Variants in CPNE4 observed in about 807,000 individuals in gnomAD.
The protein encoded by CPNE4 is copine 4.
CPNE4 carries 25 observed loss-of-function variants against 67.9 expected under a neutral mutation model. The ratio of observed to expected loss-of-function variants is 0.37; its 90% confidence interval spans 0.27 to 0.51. CPNE4 has a LOEUF of 0.51. Ranked by LOEUF, CPNE4 falls within the 20% of genes least tolerant of loss-of-function variation. The pLI is 0.93. For missense variants in CPNE4, 464 were observed against 690.8 expected, an observed-to-expected ratio of 0.67 and a Z score of 3.68; for synonymous variants, 242 against 244.9, an observed-to-expected ratio of 0.99 and a Z score of 0.11.
chr3:131,928,301 C>T (rs182460270), intron 1 of CPNE4, among the ~76,000 whole-genome samples: 1 of 133,520 alleles, frequency 7.5e-6, no homozygotes, highest in African/African-American at 2.7e-5. Context: ...CTAAAATTTA[C>T]AACAGTCCTC....
chr3:131,879,877 C>T (rs571649092), intron 2 of CPNE4, among the ~76,000 whole-genome samples: 4 of 152,240 alleles, frequency 2.6e-5, no homozygotes, highest in Non-Finnish European at 4.4e-5. Context: ...ACCTTATATA[C>T]CTGGCAGACT....
chr3:131,676,466 T>C (rs2080570705), intron 6 of CPNE4, among the ~76,000 whole-genome samples: 1 of 152,148 alleles, frequency 6.6e-6, no homozygotes, highest in Non-Finnish European at 1.5e-5. Flanking sequence ...GTTGTATAGA[T>C]TATTTCATCA....
intron 2 of CPNE4, among the ~76,000 whole-genome samples, chr3:131,874,236 C>A (rs185795875): frequency 2.0e-5 from 3 of 152,138 alleles, no homozygotes; most frequent in Admixed American, 2.0e-4. Context: ...CTACAGGCGC[C>A]CTCCACCACG....
chr3:131,711,736 C>G (rs572279558), intron 3 of CPNE4, among the ~76,000 whole-genome samples: 1 of 152,134 alleles, frequency 6.6e-6, no homozygotes, highest in Non-Finnish European at 1.5e-5. Flanking sequence ...GTTTTCCTCC[C>G]CCTCAACTTT....
rs556124611 is a variant in CPNE4, at chr3:132,013,108, A to C, written c.-2+21459T>G. ...CATAGGGGTGGACGCCTGTAATCCC[A>C]GCTACTCAGGAGGCTGAGGCAGGAG... On this transcript the variant is annotated intron_variant, in intron 1 of 15. Coordinates refer to ENST00000429747, the MANE Select transcript of CPNE4 (RefSeq NM_130808.3). 2.1e-4 allele frequency among the ~76,000 whole-genome samples: 32 copies of C among 152,322 alleles called. 1 individual carries two copies. In the South Asian group the frequency reaches 6.4e-3, roughly 31 times the overall value.
intron 1 of CPNE4, among the ~76,000 whole-genome samples, chr3:132,007,534 C>A (rs1221905091): frequency 6.6e-6 from 1 of 151,962 alleles, no homozygotes; most frequent in Non-Finnish European, 1.5e-5. Flanking sequence ...AGTTGCTGCA[C>A]GTGTAAGTTG....
intron 1 of CPNE4, among the ~76,000 whole-genome samples, chr3:131,930,828 G>A (rs144029746): frequency 1.3e-5 from 2 of 152,220 alleles, no homozygotes; most frequent in African/African-American, 4.8e-5. Flanking sequence ...TTATTGAATA[G>A]TGGGGAGCTC....
intron 2 of CPNE4, among the ~76,000 whole-genome samples, chr3:131,817,457 A>G (rs2084789449): frequency 6.6e-6 from 1 of 152,206 alleles, no homozygotes; most frequent in African/African-American, 2.4e-5. Context: ...AGGGGTGAAT[A>G]GTAGGACAGG....
intron 7 of CPNE4, among the ~76,000 whole-genome samples, chr3:131,617,770 G>A (rs1940244075): frequency 6.6e-6 from 1 of 152,140 alleles, no homozygotes; most frequent in Admixed American, 6.6e-5. Context: ...CCATTTGGAA[G>A]GTGGGAACTT....
At chr3:131,719,342 A>G (rs1210647788) in intron 3 of CPNE4, among the ~76,000 whole-genome samples, 1 of 152,240 alleles carries the variant, frequency 6.6e-6, no homozygotes, top group Non-Finnish European at 1.5e-5. Flanking sequence ...TATAAAATGT[A>G]GATAATGATT....
At chr3:131,729,203 A>G (rs1358701897) in intron 2 of CPNE4, among the ~76,000 whole-genome samples, 5 of 152,224 alleles carry the variant, frequency 3.3e-5, no homozygotes, top group Admixed American at 3.3e-4. Context: ...CATAGGCCAG[A>G]GAGAGACAAG....
intron 2 of CPNE4, among the ~76,000 whole-genome samples, chr3:131,863,363 A>G (rs2086780123): frequency 1.3e-5 from 2 of 152,114 alleles, no homozygotes; most frequent in Non-Finnish European, 2.9e-5. Flanking sequence ...CATCCTCTCC[A>G]GCACCTGTTG....
intron 7 of CPNE4, among the ~76,000 whole-genome samples, chr3:131,639,699 A>C (rs539859116): frequency 1.3e-5 from 2 of 152,266 alleles, no homozygotes; most frequent in East Asian, 1.9e-4. Flanking sequence ...GGAGGGATAC[A>C]ACAAAAAAGG....
chr3:131,628,950 T>C (rs2079150823), intron 7 of CPNE4, among the ~76,000 whole-genome samples: 2 of 152,210 alleles, frequency 1.3e-5, no homozygotes, highest in South Asian at 4.1e-4. Flanking sequence ...AGCTTTTGGA[T>C]GTGTTTGCTC....
At chr3:131,570,898 T>C (rs142141428) in intron 10 of CPNE4, among the ~76,000 whole-genome samples, 1 of 152,086 alleles carries the variant, frequency 6.6e-6, no homozygotes, top group Non-Finnish European at 1.5e-5. Flanking sequence ...CCTCTGCTTA[T>C]AGTCTGATTC....
rs137878848 is a variant in CPNE4, at chr3:131,748,834, A to T, written c.181-25209T>A. On this transcript the variant is annotated intron_variant, in intron 2 of 15. Transcript: ENST00000429747. Reference sequence around the variant, plus strand: ...ATCCTTGGTTTCATTCCTAATTTTGATAACTTGTGTCTTCTCTCTTTTTTT... The same window carrying T: ...ATCCTTGGTTTCATTCCTAATTTTGTTAACTTGTGTCTTCTCTCTTTTTTT... Among the ~76,000 whole-genome samples, 590 of 152,122 alleles carry T rather than the reference A, an allele frequency of 3.9e-3. 6 individuals are homozygous for T. Among genetic ancestry groups the T allele is most frequent in the African/African-American group, 0.013 (560 of 41,526 alleles).
intron 9 of CPNE4, among the ~76,000 whole-genome samples, chr3:131,579,769 G>A (rs1937669747): frequency 2.0e-5 from 3 of 152,194 alleles, no homozygotes; most frequent in Admixed American, 6.5e-5. Context: ...TGGCTGAATT[G>A]CCACAACTGA....
intron 14 of CPNE4, 44 bp downstream of exon 14, chr3:131,549,903 G>A: frequency 6.2e-7 from 1 of 1,607,014 alleles, no homozygotes; most frequent in East Asian, 2.2e-5. Flanking sequence ...ATCCAGGTGA[G>A]GAAGAGTAAG....
chr3:132,036,778 T>C (rs1372492349), upstream of CPNE4, among the ~76,000 whole-genome samples: 4 of 152,212 alleles, frequency 2.6e-5, no homozygotes, highest in Non-Finnish European at 5.9e-5. Flanking sequence ...ACCTTCTACA[T>C]TTATAAAATT....
Sources: allele counts gnomAD v4.1 joint callset (sites outside exome capture counted in the v4.1 genomes callset), GRCh38; gene constraint gnomAD v4.1.1; transcripts MANE v1.5; gene names NCBI Gene and HGNC (gene_info 2026-07-23, HGNC 2026-07-21).